LMO7: variants seen among roughly 807,000 people sequenced by gnomAD.
LMO7 encodes the protein LIM domain 7.
LMO7 carries 120 observed loss-of-function variants against 206.5 expected under a neutral mutation model. The observed-to-expected ratio is 0.58, with a 90% CI of 0.50 to 0.68. The LOEUF (loss-of-function observed/expected upper bound fraction) is 0.68, where lower values mean the gene tolerates loss of function less well. Among genes scored for constraint, LMO7 ranks in the 30% least tolerant of loss-of-function variants. The pLI is 0.00. For missense variants in LMO7, 1,959 were observed against 1,957.9 expected (o/e 1.00, Z -0.01); for synonymous variants, 706 against 681.5 (o/e 1.04, Z -0.56).
At chr13:75,760,375 A>C in intron 3 of LMO7, 1 of 1,052,120 alleles carries the variant, frequency 9.5e-7, no homozygotes, top group Non-Finnish European at 1.1e-6. Context: ...TCAGTCCTAT[A>C]GTATGGTTTC....
chr13:75,638,239 C>T (rs1787132881), intron 1 of LMO7, among the ~76,000 whole-genome samples: 1 of 152,140 alleles, frequency 6.6e-6, no homozygotes, highest in South Asian at 2.1e-4. Flanking sequence ...CTTCAGGAAA[C>T]ATGAATAGGA....
At chr13:75,765,105 G>T (rs942381478) in intron 4 of LMO7, among the ~76,000 whole-genome samples, 1 of 152,132 alleles carries the variant, frequency 6.6e-6, no homozygotes, top group South Asian at 2.1e-4. Flanking sequence ...GTTCGCTAAA[G>T]CTTCACAAGA....
intron 4 of LMO7, among the ~76,000 whole-genome samples, chr13:75,770,080 C>T (rs191319222): frequency 2.9e-4 from 44 of 152,010 alleles, no homozygotes; most frequent in African/African-American, 8.0e-4. Flanking sequence ...GTAGAGCACA[C>T]GCACACATTA....
intron 5 of LMO7, among the ~76,000 whole-genome samples, chr13:75,795,967 TTAAAA>T (rs1157532265): frequency 4.6e-5 from 7 of 152,188 alleles, no homozygotes; most frequent in African/African-American, 1.4e-4. Flanking sequence ...ATCCCAGAAC[TTAAAA>T]TAAAATTAAA....
At chr13:75,733,542 G>C (rs1297402432) in intron 3 of LMO7, among the ~76,000 whole-genome samples, 2 of 152,290 alleles carry the variant, frequency 1.3e-5, no homozygotes, top group African/African-American at 4.8e-5. Flanking sequence ...CCCTTTCTTT[G>C]ACTAGGAAAG....
chr13:75,851,961 TA>T (rs146006200), intron 27 of LMO7, among the ~76,000 whole-genome samples: 19 of 150,356 alleles, frequency 1.3e-4, no homozygotes, highest in African/African-American at 2.4e-4. Flanking sequence ...TCTGTAAGAT[TA>T]AAAAAAAAAT....
chr13:75,792,524 C>T (rs532716693), intron 4 of LMO7, among the ~76,000 whole-genome samples: 31 of 152,304 alleles, frequency 2.0e-4, no homozygotes, highest in African/African-American at 7.5e-4. Context: ...ATATTTCATT[C>T]TGAGGTGTCG....
chr13:75,774,404 A>G (rs1469576792), intron 4 of LMO7, among the ~76,000 whole-genome samples: 2 of 152,170 alleles, frequency 1.3e-5, no homozygotes, highest in African/African-American at 4.8e-5. Context: ...TTCCAAATGT[A>G]GATTTGCCAC....
intron 11 of LMO7, among the ~76,000 whole-genome samples, chr13:75,816,033 A>G (rs963081094): frequency 5.3e-5 from 8 of 152,218 alleles, no homozygotes; most frequent in African/African-American, 1.7e-4. Context: ...TGAAGTGCCT[A>G]GGGGATATCC....
chr13:75,804,219 G>A (rs2055147566), intron 7 of LMO7, 70 bp from the exon 8 acceptor site: 1 of 1,493,556 alleles, frequency 6.7e-7, no homozygotes, highest in East Asian at 2.3e-5. Context: ...GACAAAGCAG[G>A]CGCGCTGTGT....
At position 75,841,118 on chromosome 13, in the gene LMO7, C is replaced by T; in HGVS notation, c.3592C>T (p.Gln1198Ter). Residue 1198 changes from glutamine to a stop codon, truncating the protein, a stop_gained, in exon 23 of 31, where the codon CAA becomes TAA. Coordinates refer to ENST00000377534, the MANE Select transcript of LMO7 (RefSeq NM_001306080.2). LOFTEE classifies it high-confidence loss of function. ...EQDRLLQEKYQREQEKLREEW... is the reference protein window; with the variant it reads ...EQDRLLQEKY Reference sequence around the variant, plus strand: ...TCATATTTTCTTATAGGAAAAATATCAACGTGAGCAGGAGAAACTGAGGGA... The same window carrying T: ...TCATATTTTCTTATAGGAAAAATATTAACGTGAGCAGGAGAAACTGAGGGA... The T allele has an allele frequency of 1.2e-6, 2 of 1,607,168 alleles. No homozygotes were observed. Among genetic ancestry groups the T allele is most frequent in the South Asian group, 2.2e-5 (2 of 90,628 alleles).
intron 15 of LMO7, among the ~76,000 whole-genome samples, chr13:75,824,691 T>G (rs2057939327): frequency 6.6e-6 from 1 of 152,176 alleles, no homozygotes; most frequent in African/African-American, 2.4e-5. Context: ...CCCCTTAGCA[T>G]GGAAGAGCTT....
rs116311568 is a variant in LMO7 at position 75,747,931 on chromosome 13, A to C, written c.211-13001A>C. ...AACCAGATAGATGGCTGAGTGAGGG[A>C]TCCTCATGTATAGGGACCAACTAGG... On this transcript the variant is annotated intron_variant, in intron 3 of 30. Coordinates refer to ENST00000377534, the MANE Select transcript of LMO7 (RefSeq NM_001306080.2). 3.5e-3 allele frequency among the ~76,000 whole-genome samples: 536 copies of C among 152,222 alleles called. 5 individuals are homozygous for C. Among genetic ancestry groups the C allele is most frequent in the African/African-American group, 0.012 (503 of 41,534 alleles).
In LMO7 at chr13:75,853,230, A is replaced by G. The variant is rs1436929433; in HGVS notation, c.4503A>G (p.Thr1501=). ...GCCCACCACCTCAGCTGGTGTCCAC[A>G]TCAAACCGTGCCTACATGCGGAACC... ...FSRPPPQLVS[T]SNRAYMRNPS... is the part of the protein sequence containing the mutation. Residue 1501 remains threonine, a synonymous_variant, in exon 28 of 31, where the codon ACA becomes ACG. Transcript: ENST00000377534. 1.2e-6 allele frequency: 2 copies of G among 1,614,088 alleles called. No homozygotes were observed. Among genetic ancestry groups the G allele is most frequent in the Non-Finnish European group, 1.7e-6 (2 of 1,180,006 alleles).
At chr13:75,789,845 C>T (rs2053007459) in intron 4 of LMO7, among the ~76,000 whole-genome samples, 1 of 152,134 alleles carries the variant, frequency 6.6e-6, no homozygotes, top group Non-Finnish European at 1.5e-5. Flanking sequence ...ACTATAATCT[C>T]ATCCATTAGC....
intron 1 of LMO7, among the ~76,000 whole-genome samples, chr13:75,647,951 C>CTT (rs570513211): frequency 3.6e-4 from 33 of 90,992 alleles, no homozygotes; most frequent in South Asian, 9.1e-4. Flanking sequence ...TCTTTTCTTT[C>CTT]TTTTTTTTTT....
At chr13:75,708,898 C>G (rs2042857857) in intron 1 of LMO7, among the ~76,000 whole-genome samples, 1 of 152,040 alleles carries the variant, frequency 6.6e-6, no homozygotes, top group Admixed American at 6.6e-5. Context: ...CTGCAGCCAT[C>G]AGCTCGTCAT....
chr13:75,823,988 A>G (rs1195356898), intron 15 of LMO7, 115 bp downstream of exon 15: 1 of 802,708 alleles, frequency 1.2e-6, no homozygotes, highest in East Asian at 2.6e-5. Flanking sequence ...AAAATGTGCA[A>G]AATGATATTC....
chr13:75,674,736 A>C (rs1044318052), intron 1 of LMO7, among the ~76,000 whole-genome samples: 1 of 152,256 alleles, frequency 6.6e-6, no homozygotes, highest in African/African-American at 2.4e-5. Flanking sequence ...ATTACAGTGG[A>C]ATACAATGGT....
Sources: allele counts gnomAD v4.1 joint callset (sites outside exome capture counted in the v4.1 genomes callset), GRCh38; gene constraint gnomAD v4.1.1; transcripts MANE v1.5; gene names NCBI Gene and HGNC (gene_info 2026-07-23, HGNC 2026-07-21).